The following PCDH7 variants were observed in gnomAD, a reference collection of about 807,000 sequenced individuals.
PCDH7 encodes protocadherin-7.
In PCDH7, 17 loss-of-function variants were observed where a neutral mutation model predicts 58.9. The observed-to-expected ratio is 0.29, with a 90% CI of 0.20 to 0.43. The LOEUF is 0.43. Ranked by LOEUF, PCDH7 falls within the 20% of genes least tolerant of loss-of-function variation. PCDH7 has a pLI of 1.00. For missense variants in PCDH7, 1,274 were observed against 1,441.0 expected, an observed-to-expected ratio of 0.88 and a Z score of 1.88; for synonymous variants, 664 against 616.4, an observed-to-expected ratio of 1.08 and a Z score of -1.14.
chr4:30,726,599 T>C (rs10005883), intron 1 of PCDH7, among the ~76,000 whole-genome samples: 108,300 of 151,824 alleles, frequency 0.71, 38,894 homozygotes, highest in East Asian at 0.85. Flanking sequence ...GTGTTAGCCT[T>C]TTAACTGAGT....
chr4:30,748,375 A>G (rs1718042569), intron 1 of PCDH7, among the ~76,000 whole-genome samples: 2 of 152,144 alleles, frequency 1.3e-5, no homozygotes, highest in South Asian at 4.1e-4. Flanking sequence ...AAGAAAAAAG[A>G]TTTATTTGGC....
At chr4:30,788,621 G>T (rs1233558330) in intron 1 of PCDH7, among the ~76,000 whole-genome samples, 2 of 151,974 alleles carry the variant, frequency 1.3e-5, no homozygotes, top group Non-Finnish European at 2.9e-5. Flanking sequence ...CATAAAATAG[G>T]TTCATATTGC....
chr4:30,788,026 A>T (rs1232553962), intron 1 of PCDH7, among the ~76,000 whole-genome samples: 1 of 152,088 alleles, frequency 6.6e-6, no homozygotes, highest in South Asian at 2.1e-4. Context: ...AAATAATGAG[A>T]GTAGGCTCAT....
rs189376792 is a variant in PCDH7, at chr4:31,045,017, G to A, written c.*7+94802G>A. Among the ~76,000 whole-genome samples the A allele has an allele frequency of 2.8e-4, 43 of 151,992 alleles. 1 individual carries two copies. In the East Asian group the frequency reaches 4.8e-3, roughly 17 times the overall value. ...TATTCATTTTATTTATATTTCTTTT[G>A]TGGCCTAGCAGATATACGAATAACC... On this transcript the variant is annotated intron_variant, in intron 3 of 3. Transcript: ENST00000509759.
intron 1 of PCDH7, among the ~76,000 whole-genome samples, chr4:30,877,516 TG>T (rs1315205086): frequency 2.6e-5 from 4 of 152,154 alleles, no homozygotes; most frequent in Non-Finnish European, 5.9e-5. Flanking sequence ...CGGTTTGAAC[TG>T]AAGGAAAGGA....
At chr4:30,747,084 C>A (rs10026524) in intron 1 of PCDH7, among the ~76,000 whole-genome samples, 4,894 of 152,152 alleles carry the variant, frequency 0.032, 255 homozygotes, top group African/African-American at 0.11. Flanking sequence ...ATTATTTTTT[C>A]CATCATGGCA....
chr4:31,073,934 C>A (rs1292962122), intron 3 of PCDH7, among the ~76,000 whole-genome samples: 1 of 152,000 alleles, frequency 6.6e-6, no homozygotes, highest in Non-Finnish European at 1.5e-5. Flanking sequence ...TCCTATTATT[C>A]TCTCCTGGGC....
At chr4:30,894,518 C>T (rs201670118) in intron 1 of PCDH7, among the ~76,000 whole-genome samples, 3,917 of 27,562 alleles carry the variant, frequency 0.14, 61 homozygotes, top group African/African-American at 0.17. Flanking sequence ...TATATATATA[C>T]ACACACACAC....
At chr4:30,898,868 G>A (rs1307217042) in intron 1 of PCDH7, among the ~76,000 whole-genome samples, 1 of 152,180 alleles carries the variant, frequency 6.6e-6, no homozygotes, top group Non-Finnish European at 1.5e-5. Context: ...TGGGATTACA[G>A]GCGTGAGCCA....
At chr4:31,125,103 A>G (rs1419649968) in intron 3 of PCDH7, among the ~76,000 whole-genome samples, 7 of 152,130 alleles carry the variant, frequency 4.6e-5, no homozygotes. Context: ...GGCTTTAATG[A>G]TAGTGGAAAT....
intron 1 of PCDH7, among the ~76,000 whole-genome samples, chr4:30,754,345 T>C (rs1420131099): frequency 6.6e-6 from 1 of 152,184 alleles, no homozygotes; most frequent in African/African-American, 2.4e-5. Context: ...GAGGTTGTTA[T>C]AATCAAGCAG....
At chr4:30,752,819 A>G (rs1413550665) in intron 1 of PCDH7, among the ~76,000 whole-genome samples, 2 of 151,270 alleles carry the variant, frequency 1.3e-5, no homozygotes, top group Non-Finnish European at 2.9e-5. Context: ...AAAAGAAAAA[A>G]AAGAAAAAAA....
intron 1 of PCDH7, among the ~76,000 whole-genome samples, chr4:30,825,066 C>T (rs1468070179): frequency 2.0e-5 from 3 of 152,082 alleles, no homozygotes; most frequent in African/African-American, 7.2e-5. Context: ...TGAGGACAAC[C>T]CATACCATTT....
intron 1 of PCDH7, among the ~76,000 whole-genome samples, chr4:30,838,186 G>T (rs780766755): frequency 5.8e-4 from 88 of 151,972 alleles, no homozygotes; most frequent in Non-Finnish European, 1.1e-3. Context: ...ATAAATTAAT[G>T]TTCTAATGTG....
intron 1 of PCDH7, chr4:30,730,601 G>A (rs1715343183): frequency 3.5e-6 from 2 of 577,086 alleles, no homozygotes; most frequent in South Asian, 2.4e-5. Flanking sequence ...CCCCCCAAGT[G>A]TATTTATTAT....
At chr4:31,043,151 G>C (rs1756018518) in intron 3 of PCDH7, among the ~76,000 whole-genome samples, 1 of 151,998 alleles carries the variant, frequency 6.6e-6, no homozygotes, top group African/African-American at 2.4e-5. Context: ...TCGTAATACT[G>C]TTACCCTAGG....
intron 1 of PCDH7, among the ~76,000 whole-genome samples, chr4:30,772,697 C>A (rs1374605709): frequency 2.0e-5 from 3 of 152,150 alleles, no homozygotes; most frequent in Non-Finnish European, 4.4e-5. Context: ...GGATAGGTAT[C>A]TTTGAATAAT....
chr4:31,074,614 C>A (rs1243704923), intron 3 of PCDH7, among the ~76,000 whole-genome samples: 1 of 151,516 alleles, frequency 6.6e-6, no homozygotes, highest in Middle Eastern at 3.2e-3. Flanking sequence ...GAAACCCTGT[C>A]TCTACTAAAA....
chr4:30,824,223 C>G (rs1283227066), intron 1 of PCDH7, among the ~76,000 whole-genome samples: 1 of 149,874 alleles, frequency 6.7e-6, no homozygotes, highest in Non-Finnish European at 1.5e-5. Context: ...TCTTTTAGCT[C>G]TTCTTCATAA....
Sources: allele counts gnomAD v4.1 joint callset (sites outside exome capture counted in the v4.1 genomes callset), GRCh38; gene constraint gnomAD v4.1.1; transcripts MANE v1.5; gene names NCBI Gene and HGNC (gene_info 2026-07-23, HGNC 2026-07-21).